Variants in FLG observed in about 807,000 individuals in gnomAD.
The protein encoded by FLG is filaggrin.
A neutral mutation model predicts 3.8 loss-of-function variants in FLG; 6 were observed. That is an observed-to-expected ratio of 1.60 (90% CI 0.87 to 3.15). The LOEUF (loss-of-function observed/expected upper bound fraction) is 3.15. Ranked by LOEUF, FLG falls within the 30% of genes most tolerant of loss-of-function variation. The pLI is 0.00. For synonymous variants in FLG, 2,551 were observed against 1,931.6 expected, an observed-to-expected ratio of 1.32 and a Z score of -8.41; for missense variants, 7,595 against 5,050.9, an observed-to-expected ratio of 1.50 and a Z score of -15.27.
In FLG at chr1:152,311,791, C is replaced by G. The variant is rs778125125; in HGVS notation, c.3095G>C (p.Arg1032Thr). 20 of 1,613,986 alleles carry G rather than the reference C, an allele frequency of 1.2e-5. No individual in the cohort carries two copies. The highest frequency in any genetic ancestry group is 1.6e-4 in the Middle Eastern group (1 of 6,084). The change falls in exon 3 of 3, where the codon AGA becomes ACA. Residue 1032 changes from arginine to threonine, a missense_variant. Arg to Thr is a moderately conservative substitution (Grantham distance 71). Coordinates refer to ENST00000368799, the MANE Select transcript of FLG (RefSeq NM_002016.2). ...HEQARSSPGE[R>T]HGSRHQQSAD... ...TGACTGCTGGTGGCGGGATCCGTGT[C>G]TTTCTCCTGGACTTGATCTTGCCTG...
At chr1:152,315,283 A>T (rs968315109) in intron 2 of FLG, 36 bp downstream of exon 2, 1 of 1,605,720 alleles carries the variant, frequency 6.2e-7, no homozygotes, top group Non-Finnish European at 8.5e-7. Flanking sequence ...TGAGAAAAAC[A>T]AATGCTCTAT....
rs1201021692 is a variant in FLG, at chr1:152,311,077, A to C, written c.3809T>G (p.Val1270Gly). The C allele has an allele frequency of 6.2e-7, 1 of 1,613,638 alleles. No individual in the cohort carries two copies. Residue 1270 changes from valine to glycine, a missense_variant, in exon 3 of 3, where the codon GTT (valine) becomes GGT (glycine). Physicochemically the swap from Val to Gly is moderately radical, Grantham distance 109. Transcript: ENST00000368799. ...SRTSRHQGSS[V>G]SQDSDSERHS... is the part of the protein sequence containing the mutation. ...TCTCTCACTGTCACTGTCCTGGCTA[A>C]CACTGGATCCCTGGTGCCTGCTTGT...
chr1:152,322,515 TA>T (rs1164139949), intron 1 of FLG, among the ~76,000 whole-genome samples: 10 of 150,814 alleles, frequency 6.6e-5, no homozygotes, highest in East Asian at 1.9e-4. Flanking sequence ...TACAAAAGCA[TA>T]AAAAAATCAG....
In FLG at chr1:152,302,916, C is replaced by G; in HGVS notation, c.11970G>C (p.Gly3990=). 1 of 1,614,152 alleles carries G rather than the reference C, an allele frequency of 6.2e-7. No homozygotes were observed. The highest frequency in any genetic ancestry group is 1.6e-4 in the Middle Eastern group (1 of 6,062). Residue 3990 remains glycine, a synonymous_variant, in exon 3 of 3, where the codon GGG becomes GGC. Transcript: ENST00000368799. ...GSADYDYGES[G]FRHSQHGSVS... ...CACTTCCGTGCTGAGAGTGTCTAAACCCGGATTCACCATAATCATAATCTG... is the reference window on the plus strand; with the variant it reads ...CACTTCCGTGCTGAGAGTGTCTAAAGCCGGATTCACCATAATCATAATCTG...
In FLG at chr1:152,312,039, G is replaced by T; in HGVS notation, c.2847C>A (p.Asp949Glu). Residue 949 changes from aspartate (D) to glutamate (E), a missense_variant, in exon 3 of 3, where the codon GAC (aspartate) becomes GAA (glutamate). Coordinates refer to ENST00000368799, the MANE Select transcript of FLG (RefSeq NM_002016.2). ...SRRQGSSVSQ[D>E]SDSEGHSEDS... is the part of the protein sequence containing the mutation. ...CTTCTGAATGTCCCTCACTGTCACT[G>T]TCCTGGCTAACACTGGATCCCTGGC... 1.2e-6 allele frequency: 2 copies of T among 1,614,142 alleles called. No individual in the cohort carries two copies. Among genetic ancestry groups the T allele is most frequent in the Non-Finnish European group, 1.7e-6 (2 of 1,180,026 alleles).
rs140941956 is a variant in FLG at position 152,313,680 on chromosome 1, G to A, written c.1206C>T (p.Arg402=). 72 of 1,613,900 alleles carry A rather than the reference G, an allele frequency of 4.5e-5. No individual in the cohort carries two copies. The highest frequency in any genetic ancestry group is 1.6e-4 in the Middle Eastern group (1 of 6,084). ...CGCTGACTGCAGATGAAGCTTGCCC[G>A]CGCCCAGTGGCTGAGTGTCTGGAGC... is the stretch of plus-strand genomic sequence containing the variant. The part of the protein sequence containing the change: ...ADSSRHSATG[R]GQASSAVSDR... Residue 402 remains arginine (R), a synonymous_variant, in exon 3 of 3, where the codon CGC becomes CGT. Transcript: ENST00000368799.
At chr1:152,322,502 A>C (rs1653013282) in intron 1 of FLG, among the ~76,000 whole-genome samples, 1 of 151,224 alleles carries the variant, frequency 6.6e-6, no homozygotes, top group Admixed American at 6.6e-5. Context: ...AAAAGATGCT[A>C]TTTACAAAAG....
Position 152,307,661 on chromosome 1 carries a change from C to G in FLG, c.7225G>C (p.Gly2409Arg). The G allele has an allele frequency of 1.9e-6, 3 of 1,613,426 alleles. No individual in the cohort carries two copies. The highest frequency in any genetic ancestry group is 2.5e-6 in the Non-Finnish European group (3 of 1,179,870). The change falls in exon 3 of 3, where the codon GGA (glycine) becomes CGA (arginine). Residue 2409 changes from glycine (G) to arginine (R), a missense_variant. By Grantham distance (125) the Gly-to-Arg change is moderately radical (BLOSUM62 -2). Transcript: ENST00000368799. ...STRGRSAGRS[G>R]RSGSFLYQVS... is the part of the protein sequence containing the mutation. ...TGGTAGAGGAAAGACCCTGAACGTC[C>G]AGACCTTCCTGCTGACCGGCCACGT...
At position 152,304,451 on chromosome 1, in the gene FLG, GC is replaced by G. The variant is rs755158954; in HGVS notation, c.10434del (p.Gln3479SerfsTer236). On this transcript the variant is annotated frameshift_variant, in exon 3 of 3. Transcript: ENST00000368799. LOFTEE classifies it low-confidence loss of function (END_TRUNC). Reference sequence around the variant, plus strand: ...CTGCTGGCACTTCTGGATCCTGACTGCCCACGGGAGGCATCAGACCTTCCCT... The same window carrying G: ...CTGCTGGCACTTCTGGATCCTGACTGCCACGGGAGGCATCAGACCTTCCCT... ...TSQGRSDASR[G>X]QSGSRSASRQ... 1 of 1,612,408 alleles carries G rather than the reference GC, an allele frequency of 6.2e-7. No homozygotes were observed. The highest frequency in any genetic ancestry group is 1.1e-5 in the South Asian group (1 of 90,672).
At position 152,308,765 on chromosome 1, in the gene FLG, C is replaced by T. The variant is rs745727076; in HGVS notation, c.6121G>A (p.Gly2041Ser). Residue 2041 changes from glycine (G) to serine (S), a missense_variant, in exon 3 of 3, where the codon GGT becomes AGT. By Grantham distance (56) the Gly-to-Ser change is moderately conservative. Coordinates refer to ENST00000368799, the MANE Select transcript of FLG (RefSeq NM_002016.2). The part of the protein sequence containing the change: ...VRDSGHRGYS[G>S]SQASDSEGHS... ...CCCTCACTGTCACTGGCCTGACTAC[C>T]ACTGTACCCTCGGTGTCCACTGTCT... 9.3e-6 allele frequency: 15 copies of T among 1,614,070 alleles called. No individual in the cohort carries two copies. Among genetic ancestry groups the T allele is most frequent in the South Asian group, 2.2e-5 (2 of 91,082 alleles).
At position 152,303,533 on chromosome 1, in the gene FLG, C is replaced by T; in HGVS notation, c.11353G>A (p.Gly3785Arg). The change falls in exon 3 of 3, where the codon GGG becomes AGG. Residue 3785 changes from glycine to arginine, a missense_variant. Gly to Arg is a moderately radical substitution (Grantham distance 125). Transcript: ENST00000368799. ...GATGTGGTGTGGCTGTGATGGGACC[C>T]TGAGTGTCCAGACCTATCTACCGAT... is the stretch of plus-strand genomic sequence containing the variant. The part of the protein sequence containing the change: ...EQSVDRSGHS[G>R]SHHSHTTSQG... 1 of 1,614,076 alleles carries T rather than the reference C, an allele frequency of 6.2e-7. No individual in the cohort carries two copies. Among genetic ancestry groups the T allele is most frequent in the Non-Finnish European group, 8.5e-7 (1 of 1,180,024 alleles).
At position 152,304,127 on chromosome 1, in the gene FLG, C is replaced by G; in HGVS notation, c.10759G>C (p.Gly3587Arg). Reference protein sequence around the residue: ...HPTSHHEDRAGHGHSAESSRQ... With the variant: ...HPTSHHEDRARHGHSAESSRQ... ...GAGCTCTCTGCAGAGTGCCCGTGAC[C>G]GGCTCTGTCTTCGTGATGGGACGTG... is the stretch of plus-strand genomic sequence containing the variant. Residue 3587 changes from glycine to arginine, a missense_variant, in exon 3 of 3, where the codon GGT becomes CGT. Coordinates refer to ENST00000368799, the MANE Select transcript of FLG (RefSeq NM_002016.2). The G allele has an allele frequency of 1.9e-6, 3 of 1,585,886 alleles. No individual in the cohort carries two copies. Among genetic ancestry groups the G allele is most frequent in the Non-Finnish European group, 2.6e-6 (3 of 1,166,338 alleles).
rs1158441802 is a variant in FLG at position 152,304,381 on chromosome 1, G to C, written c.10505C>G (p.Ser3502Ter). 1.2e-6 allele frequency: 2 copies of C among 1,611,760 alleles called. No homozygotes were observed. Among genetic ancestry groups the C allele is most frequent in the African/African-American group, 1.3e-5 (1 of 74,746 alleles). The change falls in exon 3 of 3, where the codon TCA becomes TGA. Residue 3502 changes from serine (S) to a stop codon, truncating the protein, a stop_gained. Transcript: ENST00000368799. LOFTEE classifies it low-confidence loss of function (END_TRUNC). ...DEQSGDGSRHSWSHHHEASTQ... is the reference protein window; with the variant it reads ...DEQSGDGSRH ...GGAAGCTTCATGGTGATGCGACCAT[G>C]AGTGCCTGGAGCCATCTCCTGATTG...
rs138926548 is a variant in FLG, at chr1:152,310,994, A to C, written c.3892T>G (p.Ser1298Ala). 1,075 of 1,611,806 alleles carry C rather than the reference A, an allele frequency of 6.7e-4. 4 individuals are homozygous for C. Among genetic ancestry groups the C allele is most frequent in the Non-Finnish European group, 8.5e-4 (1,008 of 1,179,720 alleles). The change falls in exon 3 of 3, where the codon TCT becomes GCT. Residue 1298 changes from serine to alanine, a missense_variant. Ser to Ala is a moderately conservative substitution (Grantham distance 99). Transcript: ENST00000368799. Reference sequence around the variant, plus strand: ...GAGCCATCTCTTGACTGCTCCCGAGAAGATCCATGATGGTTTCTGGAAGCA... The same window carrying C: ...GAGCCATCTCTTGACTGCTCCCGAGCAGATCCATGATGGTTTCTGGAAGCA... ...GSASRNHHGS[S>A]REQSRDGSRH...
At position 152,303,136 on chromosome 1, in the gene FLG, G is replaced by C; in HGVS notation, c.11750C>G (p.Pro3917Arg). Residue 3917 changes from proline (P) to arginine (R), a missense_variant, in exon 3 of 3, where the codon CCT becomes CGT. Transcript: ENST00000368799. ...RDTASHVQSS[P>R]VQSDSSTAKE... is the part of the protein sequence containing the mutation. Reference sequence around the variant, plus strand: ...AGCGGTACTAGAGTCTGACTGTACAGGTGAAGACTGTACATGACTGGCTGT... The same window carrying C: ...AGCGGTACTAGAGTCTGACTGTACACGTGAAGACTGTACATGACTGGCTGT... 1.2e-6 allele frequency: 2 copies of C among 1,614,198 alleles called. No individual in the cohort carries two copies. Among genetic ancestry groups the C allele is most frequent in the Non-Finnish European group, 1.7e-6 (2 of 1,180,036 alleles).
In FLG at chr1:152,308,609, G is replaced by C. The variant is rs776441293; in HGVS notation, c.6277C>G (p.Gln2093Glu). The C allele has an allele frequency of 4.3e-6, 7 of 1,614,004 alleles. No homozygotes were observed. The highest frequency in any genetic ancestry group is 5.9e-6 in the Non-Finnish European group (7 of 1,180,026). The change falls in exon 3 of 3, where the codon CAG (glutamine) becomes GAG (glutamate). Residue 2093 changes from glutamine (Q) to glutamate (E), a missense_variant. Physicochemically the swap from Gln to Glu is conservative, Grantham distance 29. Transcript: ENST00000368799. ...TCAGACTGTTCATGAGTGCTCACCTGGTAGAGGAAAGACCCTGAACGTCCA... is the reference window on the plus strand; with the variant it reads ...TCAGACTGTTCATGAGTGCTCACCTCGTAGAGGAAAGACCCTGAACGTCCA... ...SSGRSGSFLYQVSTHEQSEST... is the reference protein window; with the variant it reads ...SSGRSGSFLYEVSTHEQSEST...
In FLG at chr1:152,309,719, C is replaced by T. The variant is rs755269851; in HGVS notation, c.5167G>A (p.Glu1723Lys). ...GSSGSQASDS[E>K]GHSEESDTQS... ...GTGTCTGACTCTTCTGAGTGTCCCT[C>T]GCTGTCACTGGCCTGGCTACCACTG... Residue 1723 changes from glutamate (E) to lysine (K), a missense_variant, in exon 3 of 3, where the codon GAG (glutamate) becomes AAG (lysine). Coordinates refer to ENST00000368799, the MANE Select transcript of FLG (RefSeq NM_002016.2). 80 of 1,613,882 alleles carry T rather than the reference C, an allele frequency of 5.0e-5. No homozygotes were observed. Among genetic ancestry groups the T allele is most frequent in the African/African-American group, 1.1e-4 (8 of 74,866 alleles).
At position 152,309,528 on chromosome 1, in the gene FLG, A is replaced by C; in HGVS notation, c.5358T>G (p.Thr1786=). The C allele has an allele frequency of 6.2e-7, 1 of 1,613,082 alleles. No individual in the cohort carries two copies. Among genetic ancestry groups the C allele is most frequent in the Non-Finnish European group, 8.5e-7 (1 of 1,179,744 alleles). ...ESAHGRTGPS[T]GGRQRSRHEQ... is the part of the protein sequence containing the mutation. ...CGTGGCGGGATCTTTGTCTTCCTCC[A>C]GTGCTGGGCCCTGTGCGTCCATGGG... The change falls in exon 3 of 3, where the codon ACT becomes ACG. Residue 1786 remains threonine, a synonymous_variant. Transcript: ENST00000368799.
chr1:152,307,402 G>T lies in FLG; in HGVS notation c.7484C>A (p.Thr2495Asn), dbSNP rs775080390. The change falls in exon 3 of 3, where the codon ACC (threonine) becomes AAC (asparagine). Residue 2495 changes from threonine to asparagine, a missense_variant. Physicochemically the swap from Thr to Asn is moderately conservative, Grantham distance 65. Transcript: ENST00000368799. ...SGHSGSHHSH[T>N]TSQGRSDASH... is the part of the protein sequence containing the mutation. ...GGCATCAGACCTTCCCTGGGATGTG[G>T]TGTGGCTGTGATGAGACCCTGAGTG... The T allele has an allele frequency of 3.7e-6, 6 of 1,613,148 alleles. No individual in the cohort carries two copies. The African/African-American group carries it at 4.0e-5, about 11-fold the overall frequency.
Sources: gnomAD v4.1 joint callset for allele counts (sites outside exome capture counted in the v4.1 genomes callset) on GRCh38, gnomAD v4.1.1 for gene constraint, MANE v1.5 for transcripts, NCBI Gene and HGNC (gene_info 2026-07-23, HGNC 2026-07-21) for gene names.